AOPEP: variants seen among roughly 807,000 people sequenced by gnomAD.
AOPEP encodes the protein aminopeptidase O.
A neutral mutation model predicts 98.1 loss-of-function variants in AOPEP; 77 were observed. That is an observed-to-expected ratio of 0.78 (90% CI 0.65 to 0.95). The LOEUF is 0.95. AOPEP is among the 40% of genes least tolerant of loss of function. AOPEP has a pLI of 0.00. For synonymous variants in AOPEP, 346 were observed against 365.3 expected (o/e 0.95, Z 0.60); for missense variants, 1,024 against 1,024.7 (o/e 1.00, Z 0.01).
chr9:95,085,625 G>A (rs1006024541), intron 16 of AOPEP: 20 of 385,664 alleles, frequency 5.2e-5, no homozygotes, highest in Admixed American at 1.4e-4. Context: ...GCTTGGGTGC[G>A]GAGCGCGATC....
intron 1 of AOPEP, among the ~76,000 whole-genome samples, chr9:94,743,675 G>T (rs1833783177): frequency 6.6e-6 from 1 of 152,156 alleles, no homozygotes; most frequent in South Asian, 2.1e-4. Context: ...GAGGGAGATG[G>T]CAGTGTTCCA....
intron 5 of AOPEP, among the ~76,000 whole-genome samples, chr9:94,896,910 G>GTTTTTTTTTTTTTTTTTTTTTTTTGT (rs55947017): frequency 8.6e-6 from 1 of 115,902 alleles, no homozygotes. Context: ...ACTTTTGTGG[G>GTTTTTTTTTTTTTTTTTTTTTTTTGT]TTTTTTTTTT....
intron 5 of AOPEP, among the ~76,000 whole-genome samples, chr9:94,823,758 C>T (rs1564198989): frequency 6.6e-6 from 1 of 152,170 alleles, no homozygotes; most frequent in South Asian, 2.1e-4. Context: ...TTACAATAGC[C>T]TCAGAAGTAG....
intron 5 of AOPEP, among the ~76,000 whole-genome samples, chr9:94,828,956 C>T (rs1282734970): frequency 6.6e-6 from 1 of 151,760 alleles, no homozygotes; most frequent in Non-Finnish European, 1.5e-5. Flanking sequence ...GCAACCTCTG[C>T]CTCCCGGGTT....
chr9:94,842,568 ACACAT>A (rs997813516), intron 5 of AOPEP, among the ~76,000 whole-genome samples: 7 of 152,192 alleles, frequency 4.6e-5, no homozygotes. Context: ...CAATTGTCAA[ACACAT>A]TTTAAATAAC....
At chr9:94,835,677 G>T (rs1455031728) in intron 5 of AOPEP, among the ~76,000 whole-genome samples, 1 of 152,208 alleles carries the variant, frequency 6.6e-6, no homozygotes, top group African/African-American at 2.4e-5. Flanking sequence ...CCAGAGCAAA[G>T]ACTTTAACAG....
chr9:95,092,810 TGAC>T, the AOPEP span, among the ~76,000 whole-genome samples: 4 of 152,170 alleles, frequency 2.6e-5, no homozygotes, highest in Non-Finnish European at 4.4e-5. Flanking sequence ...GTGCGTTTCC[TGAC>T]GACTGGATCG....
rs957204037 is a variant in AOPEP at position 95,087,049 on chromosome 9, T to C, written c.*372T>C. 1.5e-6 allele frequency: 1 copy of C among 656,900 alleles called. No homozygotes were observed. Among genetic ancestry groups the C allele is most frequent in the African/African-American group, 2.0e-5 (1 of 50,806 alleles). The allele number at this position is 656,900 out of a possible 1,614,324, so 40.7% of individuals were successfully genotyped here. On this transcript the variant is annotated 3_prime_UTR_variant, in exon 17 of 17. Coordinates refer to ENST00000375315, the MANE Select transcript of AOPEP (RefSeq NM_001193329.3). ...TGGCTGGATGCGGATATTTCTATAA[T>C]TCCAGAAAGTCACACAGCTCCTCTG...
the AOPEP span, among the ~76,000 whole-genome samples, chr9:95,125,719 A>T: frequency 1.3e-5 from 2 of 152,214 alleles, no homozygotes; most frequent in Non-Finnish European, 2.9e-5. Flanking sequence ...CACTGTTCTG[A>T]CTACTGGTGA....
rs141628828 is a variant in AOPEP at position 94,999,207 on chromosome 9, G to A, written c.1978-5951G>A. ...GTTATCCTCTTCCCTGTCCAAAATG[G>A]AGTGAAGGCAGCTTCCAAAACAGAT... On this transcript the variant is annotated intron_variant, in intron 11 of 16. Transcript: ENST00000375315. Among the ~76,000 whole-genome samples the A allele has an allele frequency of 8.4e-3, 1,270 of 151,902 alleles. 24 individuals carry two copies. The highest frequency in any genetic ancestry group is 0.029 in the African/African-American group (1,209 of 41,414).
At chr9:95,033,262 G>A (rs1420298313) in intron 13 of AOPEP, among the ~76,000 whole-genome samples, 2 of 151,982 alleles carry the variant, frequency 1.3e-5, no homozygotes, top group African/African-American at 4.8e-5. Flanking sequence ...CCTCTTTCTA[G>A]TACTAACGTC....
chr9:94,938,772 A>C (rs963201720), intron 7 of AOPEP, among the ~76,000 whole-genome samples: 1 of 152,210 alleles, frequency 6.6e-6, no homozygotes, highest in Non-Finnish European at 1.5e-5. Flanking sequence ...GAATGACATA[A>C]TGAAAGTAGA....
chr9:94,812,303 G>T (rs1850779174), intron 5 of AOPEP, among the ~76,000 whole-genome samples: 1 of 152,074 alleles, frequency 6.6e-6, no homozygotes, highest in Non-Finnish European at 1.5e-5. Flanking sequence ...GAAGGAGAGG[G>T]TCCCTGCCTG....
chr9:94,834,403 C>G (rs1488576523), intron 5 of AOPEP, among the ~76,000 whole-genome samples: 1 of 152,094 alleles, frequency 6.6e-6, no homozygotes, highest in Admixed American at 6.5e-5. Context: ...ATGAGCTTAT[C>G]AAGAAGTTGA....
At chr9:94,827,553 A>G (rs1271173643) in intron 5 of AOPEP, among the ~76,000 whole-genome samples, 2 of 152,162 alleles carry the variant, frequency 1.3e-5, no homozygotes, top group Admixed American at 6.5e-5. Flanking sequence ...CTTCCTACAC[A>G]TTTCCTTACA....
At chr9:95,140,800 C>G in the AOPEP span, among the ~76,000 whole-genome samples, 24 of 152,232 alleles carry the variant, frequency 1.6e-4, no homozygotes, top group African/African-American at 5.8e-4. Context: ...CTGATCTAAG[C>G]AATGCATCAT....
intron 5 of AOPEP, among the ~76,000 whole-genome samples, chr9:94,875,998 A>G (rs1005913531): frequency 6.6e-6 from 1 of 152,242 alleles, no homozygotes; most frequent in African/African-American, 2.4e-5. Context: ...GACTTCCAAG[A>G]GGATGATATC....
At chr9:95,013,328 T>C (rs2062714197) in intron 13 of AOPEP, among the ~76,000 whole-genome samples, 1 of 152,190 alleles carries the variant, frequency 6.6e-6, no homozygotes, top group South Asian at 2.1e-4. Flanking sequence ...TGATTCCCGC[T>C]GTGAGTGATA....
At chr9:94,941,152 A>T (rs1452109489) in intron 7 of AOPEP, among the ~76,000 whole-genome samples, 1 of 152,228 alleles carries the variant, frequency 6.6e-6, no homozygotes, top group African/African-American at 2.4e-5. Flanking sequence ...CATCTAGTCC[A>T]GCCCCTCTGA....
Sources: allele counts gnomAD v4.1 joint callset (sites outside exome capture counted in the v4.1 genomes callset), GRCh38; gene constraint gnomAD v4.1.1; transcripts MANE v1.5; gene names NCBI Gene and HGNC (gene_info 2026-07-23, HGNC 2026-07-21).